DPYD: variants seen among roughly 807,000 people sequenced by gnomAD.
The protein encoded by DPYD is dihydropyrimidine dehydrogenase.
A neutral mutation model predicts 116.2 loss-of-function variants in DPYD; 109 were observed. The observed-to-expected ratio is 0.94, with a 90% CI of 0.80 to 1.10. DPYD has a LOEUF of 1.10. DPYD is among the 50% of genes least tolerant of loss of function. The probability of loss-of-function intolerance (pLI) is 0.00; values close to 1 mark genes in which losing one functional copy is unlikely to be tolerated. For missense variants in DPYD, 1,302 were observed against 1,254.5 expected (o/e 1.04, Z -0.57); for synonymous variants, 440 against 432.0 (o/e 1.02, Z -0.23).
At chr1:97,219,639 A>T (rs1281536137) in intron 19 of DPYD, among the ~76,000 whole-genome samples, 1 of 152,140 alleles carries the variant, frequency 6.6e-6, no homozygotes. Flanking sequence ...AAGAGAGGAG[A>T]ATTAAAATTA....
chr1:97,181,208 C>T (rs931859091), intron 20 of DPYD, among the ~76,000 whole-genome samples: 4 of 152,114 alleles, frequency 2.6e-5, no homozygotes, highest in African/African-American at 9.7e-5. Context: ...TTAGAGTTGC[C>T]TTGTAAAATG....
chr1:97,333,493 C>T (rs1417524951), intron 16 of DPYD, among the ~76,000 whole-genome samples: 2 of 147,642 alleles, frequency 1.4e-5, no homozygotes, highest in African/African-American at 2.5e-5. Context: ...CCACCATGCC[C>T]GGCCCCAATT....
intron 13 of DPYD, among the ~76,000 whole-genome samples, chr1:97,483,885 GA>G (rs34463725): frequency 0.81 from 122,333 of 151,024 alleles, 49,615 homozygotes; most frequent in Non-Finnish European, 0.85. Context: ...ACAGAACTGT[GA>G]AAAAAAAAAA....
intron 1 of DPYD, among the ~76,000 whole-genome samples, chr1:97,915,366 T>C (rs1038539569): frequency 6.6e-6 from 1 of 152,158 alleles, no homozygotes; most frequent in African/African-American, 2.4e-5. Flanking sequence ...TATGTATTCA[T>C]GGTGAACTGG....
chr1:97,800,125 G>C (rs1457516833), intron 3 of DPYD, among the ~76,000 whole-genome samples: 2 of 151,888 alleles, frequency 1.3e-5, no homozygotes, highest in African/African-American at 4.8e-5. Context: ...AATAATGGTA[G>C]TTTAAATTTA....
At chr1:97,702,303 T>TTTA (rs1258049097) in intron 5 of DPYD, among the ~76,000 whole-genome samples, 3 of 151,624 alleles carry the variant, frequency 2.0e-5, no homozygotes, top group Non-Finnish European at 4.4e-5. Context: ...TTTCACATAC[T>TTTA]TTTCATAAAG....
intron 12 of DPYD, among the ~76,000 whole-genome samples, chr1:97,533,183 C>A (rs928706932): frequency 1.3e-5 from 2 of 151,872 alleles, no homozygotes; most frequent in African/African-American, 4.8e-5. Context: ...GATTACAATT[C>A]AACATGAGAT....
chr1:97,810,258 G>C (rs1364341697), intron 3 of DPYD, among the ~76,000 whole-genome samples: 1 of 123,118 alleles, frequency 8.1e-6, no homozygotes, highest in Non-Finnish European at 1.6e-5. Flanking sequence ...CTGCACTCCA[G>C]CCTGGGCAAC....
intron 4 of DPYD, among the ~76,000 whole-genome samples, chr1:97,739,925 CTA>C (rs921014005): frequency 5.3e-5 from 8 of 151,990 alleles, no homozygotes; most frequent in Non-Finnish European, 7.4e-5. Context: ...TGCTACAACT[CTA>C]TGAGTCATTA....
At chr1:97,904,824 T>A (rs1047806089) in intron 1 of DPYD, among the ~76,000 whole-genome samples, 1 of 151,998 alleles carries the variant, frequency 6.6e-6, no homozygotes, top group Non-Finnish European at 1.5e-5. Flanking sequence ...TAGGGGTATG[T>A]TCCAACTAAG....
At chr1:97,796,062 C>T (rs570019031) in intron 3 of DPYD, among the ~76,000 whole-genome samples, 1 of 152,060 alleles carries the variant, frequency 6.6e-6, no homozygotes, top group South Asian at 2.1e-4. Context: ...CTCTTTTCAT[C>T]CACATACCAA....
chr1:97,919,695 C>A (rs4266922), intron 1 of DPYD, among the ~76,000 whole-genome samples: 152,220 of 152,344 alleles, frequency 1, 76,049 homozygotes, highest in Non-Finnish European at 1. Context: ...AGATGAACAA[C>A]TATTTGTTAA....
intron 20 of DPYD, among the ~76,000 whole-genome samples, chr1:97,154,482 C>A (rs1169033246): frequency 6.6e-6 from 1 of 152,110 alleles, no homozygotes; most frequent in African/African-American, 2.4e-5. Context: ...TGGGGCCAGG[C>A]ACAGTGGCTC....
intron 13 of DPYD, among the ~76,000 whole-genome samples, chr1:97,464,982 C>T (rs1186048402): frequency 6.6e-6 from 1 of 152,154 alleles, no homozygotes; most frequent in East Asian, 1.9e-4. Flanking sequence ...TGAACACAGC[C>T]AGGAGGAGGG....
intron 21 of DPYD, among the ~76,000 whole-genome samples, chr1:97,088,805 T>C (rs1338627475): frequency 6.6e-6 from 1 of 152,218 alleles, no homozygotes; most frequent in African/African-American, 2.4e-5. Flanking sequence ...AGGGATTATT[T>C]TACCAAATTC....
At chr1:97,192,910 G>T (rs886722553) in intron 20 of DPYD, among the ~76,000 whole-genome samples, 159 bp downstream of exon 20, 2 of 152,154 alleles carry the variant, frequency 1.3e-5, no homozygotes, top group African/African-American at 4.8e-5. Flanking sequence ...CCATCATATG[G>T]CTGTAATCAA....
chr1:97,275,858 A>G (rs1664899255), intron 18 of DPYD, among the ~76,000 whole-genome samples: 1 of 151,958 alleles, frequency 6.6e-6, no homozygotes, highest in Admixed American at 6.6e-5. Context: ...TAGCTATCTC[A>G]CTGCACATGG....
chr1:97,897,490 G>A (rs1673139868), intron 1 of DPYD, among the ~76,000 whole-genome samples: 1 of 151,656 alleles, frequency 6.6e-6, no homozygotes, highest in African/African-American at 2.4e-5. Context: ...CATCTCTGGG[G>A]AAATTCCATT....
chr1:97,916,085 T>C (rs1204126174), intron 1 of DPYD, among the ~76,000 whole-genome samples: 1 of 152,222 alleles, frequency 6.6e-6, no homozygotes, highest in African/African-American at 2.4e-5. Context: ...TTCAAATAGT[T>C]AAAGAAAGGT....
Sources: allele counts gnomAD v4.1 joint callset (sites outside exome capture counted in the v4.1 genomes callset), GRCh38; gene constraint gnomAD v4.1.1; transcripts MANE v1.5; gene names NCBI Gene and HGNC (gene_info 2026-07-23, HGNC 2026-07-21).